Variants in FBLN7 observed in about 807,000 individuals in gnomAD.
The protein encoded by FBLN7 is fibulin-7.
In FBLN7, 31 loss-of-function variants were observed where a neutral mutation model predicts 44.0. The observed-to-expected ratio is 0.70, with a 90% CI of 0.53 to 0.95. The LOEUF is 0.95. FBLN7 is among the 40% of genes least tolerant of loss of function. The probability of loss-of-function intolerance (pLI) is 0.00; values close to 1 mark genes in which losing one functional copy is unlikely to be tolerated. For synonymous variants in FBLN7, 262 were observed against 253.4 expected (o/e 1.03, Z -0.32); for missense variants, 573 against 618.5 (o/e 0.93, Z 0.78).
chr2:112,233,946 G>A, the FBLN7 span, among the ~76,000 whole-genome samples: 3 of 152,148 alleles, frequency 2.0e-5, no homozygotes, highest in African/African-American at 7.2e-5. Context: ...AAACTGCTGG[G>A]ATTACAGGCC....
At chr2:112,195,402 T>C in the FBLN7 span, among the ~76,000 whole-genome samples, 1 of 152,174 alleles carries the variant, frequency 6.6e-6, no homozygotes, top group East Asian at 1.9e-4. Context: ...GTTGGCTGAG[T>C]GGCCAGACAT....
the FBLN7 span, among the ~76,000 whole-genome samples, chr2:112,220,132 G>A: frequency 2.6e-5 from 4 of 152,224 alleles, no homozygotes; most frequent in African/African-American, 9.6e-5. Context: ...TAACTGGAGT[G>A]TGTAGCCTAT....
At position 112,187,798 on chromosome 2, in the gene FBLN7, A is replaced by T; in HGVS notation, c.*292A>T. On this transcript the variant is annotated 3_prime_UTR_variant, in exon 8 of 8. Coordinates refer to ENST00000331203, the MANE Select transcript of FBLN7 (RefSeq NM_153214.3). The surrounding 1 kb of genome is among the most constrained non-coding windows in gnomAD (Gnocchi z 5.1). ...TCCAGGGGATGGGTGGCTTTCCAAA[A>T]TGCTGTGCAAATGGCCTTGTGAGTT... 1 of 510,714 alleles carries T rather than the reference A, an allele frequency of 2.0e-6. No individual in the cohort carries two copies. The highest frequency in any genetic ancestry group is 3.4e-6 in the Non-Finnish European group (1 of 291,602). The allele number at this position is 510,714 out of a possible 1,614,324, so 31.6% of individuals were successfully genotyped here. A position where few individuals can be genotyped will look rare whatever the true frequency, so the allele number is the denominator to read the frequency against.
chr2:112,214,920 T>C, the FBLN7 span: 2 of 152,258 alleles, frequency 1.3e-5, no homozygotes, highest in African/African-American at 4.8e-5. Context: ...AACAATTAAT[T>C]TGAAAAATAA....
chr2:112,167,814 C>A (rs1046192156), intron 3 of FBLN7, among the ~76,000 whole-genome samples: 7 of 151,126 alleles, frequency 4.6e-5, no homozygotes, highest in African/African-American at 1.2e-4. Context: ...TGACTGCCAG[C>A]CACAGGCAAA....
the FBLN7 span, among the ~76,000 whole-genome samples, chr2:112,233,911 G>GGT: frequency 6.6e-6 from 1 of 152,066 alleles, no homozygotes; most frequent in Non-Finnish European, 1.5e-5. Flanking sequence ...ATCTGACTCA[G>GGT]GTGATCCACC....
chr2:112,188,811 T>C (rs1683386639), downstream of FBLN7: 1 of 152,168 alleles, frequency 6.6e-6, no homozygotes, highest in African/African-American at 2.4e-5. Flanking sequence ...CAGTCAAGAG[T>C]TGCTTTTGAA....
Position 112,151,789 on chromosome 2 carries a change from T to TC in FBLN7, c.76-7887_76-7886insC, listed in dbSNP as rs1423709835. ...CTAGGAGGGGATTGCAGCTGCTGGA[T>TC]GCCATGTGTGTGGACCCCAAGCTCC... is the stretch of plus-strand genomic sequence containing the variant. On this transcript the variant is annotated intron_variant, in intron 1 of 7. Transcript: ENST00000331203. 16 of 152,286 alleles carry TC rather than the reference T, an allele frequency of 1.1e-4. No individual in the cohort carries two copies. The East Asian group carries it at 2.3e-3, about 22-fold the overall frequency. The allele number at this position is 152,286 out of a possible 1,614,324, so 9.4% of individuals were successfully genotyped here.
chr2:112,168,529 G>A (rs1373226844), intron 3 of FBLN7, among the ~76,000 whole-genome samples: 1 of 152,224 alleles, frequency 6.6e-6, no homozygotes, highest in African/African-American at 2.4e-5. Context: ...GTTCTCAGCA[G>A]GAATTGATGT....
At chr2:112,184,094 C>A (rs1429298475) in intron 6 of FBLN7, among the ~76,000 whole-genome samples, 1 of 152,194 alleles carries the variant, frequency 6.6e-6, no homozygotes, top group Non-Finnish European at 1.5e-5. Flanking sequence ...TGACCCTTGG[C>A]CCTTAAACCA....
At chr2:112,200,058 C>T in the FBLN7 span, among the ~76,000 whole-genome samples, 1 of 152,176 alleles carries the variant, frequency 6.6e-6, no homozygotes, top group African/African-American at 2.4e-5. Flanking sequence ...CAAAGACACC[C>T]CCCATATGCA....
chr2:112,173,869 GTC>G (rs1682600060), intron 3 of FBLN7, among the ~76,000 whole-genome samples: 2 of 152,372 alleles, frequency 1.3e-5, no homozygotes, highest in East Asian at 3.9e-4. Context: ...GATAAAGAGA[GTC>G]TGAATGCAGC....
chr2:112,170,383 C>T (rs979689964), intron 3 of FBLN7, among the ~76,000 whole-genome samples: 7 of 149,002 alleles, frequency 4.7e-5, no homozygotes, highest in African/African-American at 7.5e-5. Context: ...AAAAATTAGC[C>T]GGGCATGGTG....
the FBLN7 span, among the ~76,000 whole-genome samples, chr2:112,195,242 C>T: frequency 6.6e-6 from 1 of 152,170 alleles, no homozygotes; most frequent in Non-Finnish European, 1.5e-5. Flanking sequence ...GAAATTAGAT[C>T]GTAGCAATCT....
chr2:112,225,062 A>G, the FBLN7 span, among the ~76,000 whole-genome samples: 160 of 152,216 alleles, frequency 1.1e-3, no homozygotes, highest in African/African-American at 3.7e-3. Context: ...AATTGTTTAA[A>G]CTTCATTTTG....
the FBLN7 span, among the ~76,000 whole-genome samples, chr2:112,240,975 G>GTC: frequency 1.4e-5 from 2 of 144,930 alleles, no homozygotes; most frequent in Non-Finnish European, 3.0e-5. Flanking sequence ...GTGTGTGTGT[G>GTC]TGTGTGTGTG....
chr2:112,186,372 G>C (rs938889205), intron 7 of FBLN7, among the ~76,000 whole-genome samples: 10 of 152,190 alleles, frequency 6.6e-5, no homozygotes, highest in African/African-American at 2.4e-4. Context: ...AGGCACAGTG[G>C]CTTATGCTTA....
At chr2:112,200,594 G>T in the FBLN7 span, among the ~76,000 whole-genome samples, 442 of 152,208 alleles carry the variant, frequency 2.9e-3, 1 homozygote, top group Non-Finnish European at 4.4e-3. Flanking sequence ...GAGTGCAGTC[G>T]CACAATCTCG....
chr2:112,138,482 A>G lies in FBLN7; in HGVS notation c.-174A>G, dbSNP rs1308072204. 3 of 704,058 alleles carry G rather than the reference A, an allele frequency of 4.3e-6. No homozygotes were observed. Among genetic ancestry groups the G allele is most frequent in the Non-Finnish European group, 5.9e-6 (3 of 511,612 alleles). 43.6% of individuals were successfully genotyped at this position (704,058 alleles called of 1,614,324 possible). ...CCCTCGCAAGGCCCGGGCGGCGCCG[A>G]TCCCCGCGGGACGCGCTGCGCTCGG... On this transcript the variant is annotated 5_prime_UTR_variant, in exon 1 of 8. Coordinates refer to ENST00000331203, the MANE Select transcript of FBLN7 (RefSeq NM_153214.3).
Sources: gnomAD v4.1 joint callset for allele counts (sites outside exome capture counted in the v4.1 genomes callset) on GRCh38, gnomAD v4.1.1 for gene constraint, Gnocchi (gnomAD v3.1) non-coding constraint, MANE v1.5 for transcripts, NCBI Gene and HGNC (gene_info 2026-07-23, HGNC 2026-07-21) for gene names.